HYLS1: variants seen among roughly 807,000 people sequenced by gnomAD.
HYLS1 encodes HYLS1 centriolar and ciliogenesis associated.
Under a neutral mutation model 29.4 loss-of-function variants are expected in HYLS1, and 25 were observed. The ratio of observed to expected loss-of-function variants is 0.85; its 90% confidence interval spans 0.62 to 1.19. The LOEUF (loss-of-function observed/expected upper bound fraction) is 1.19. Ranked by LOEUF, HYLS1 falls within the 50% of genes most tolerant of loss-of-function variation. The probability of loss-of-function intolerance (pLI) is 0.00; values close to 1 mark genes in which losing one functional copy is unlikely to be tolerated. For missense variants in HYLS1, 352 were observed against 365.1 expected, an observed-to-expected ratio of 0.96 and a Z score of 0.29; for synonymous variants, 128 against 126.7, an observed-to-expected ratio of 1.01 and a Z score of -0.07.
At chr11:125,885,425 T>C (rs1944288935), upstream of HYLS1, among the ~76,000 whole-genome samples, 1 of 151,814 alleles carries the variant, frequency 6.6e-6, no homozygotes, top group African/African-American at 2.4e-5. Flanking sequence ...CACCCCAGCC[T>C]GGGCTACAGA....
In HYLS1 at chr11:125,899,586, T is replaced by G. The variant is rs1197555489; in HGVS notation, c.218T>G (p.Val73Gly). The G allele has an allele frequency of 1.2e-6, 2 of 1,614,058 alleles. No individual in the cohort carries two copies. The highest frequency in any genetic ancestry group is 1.1e-5 in the South Asian group (1 of 91,074). ...CCTGTGCAACTACAGTACCCACATG[T>G]AGAAAGTAATGTCCCTTCAGAAACA... The part of the protein sequence containing the change: ...ALPVQLQYPH[V>G]ESNVPSETVS... The change falls in exon 3 of 3, where the codon GTA (valine) becomes GGA (glycine). Residue 73 changes from valine to glycine, a missense_variant. By Grantham distance (109) the Val-to-Gly change is moderately radical. Transcript: ENST00000425380.
chr11:125,891,753 G>C (rs1944413703), intron 2 of HYLS1, among the ~76,000 whole-genome samples: 2 of 152,018 alleles, frequency 1.3e-5, no homozygotes, highest in African/African-American at 4.8e-5. Context: ...CTCTAAAATG[G>C]GGTATTTTCT....
Position 125,899,654 on chromosome 11 carries a change from A to G in HYLS1, c.286A>G (p.Arg96Gly). ...AAGACTCCGAAAGCCAGTGATGAAG[A>G]GAAAGGTGCTGCGCAGAAAGCCAGA... Reference protein sequence around the residue: ...SQRLRKPVMKRKVLRRKPDGE... With the variant: ...SQRLRKPVMKGKVLRRKPDGE... Residue 96 changes from arginine (R) to glycine (G), a missense_variant, in exon 3 of 3, where the codon AGA (arginine) becomes GGA (glycine). By Grantham distance (125) the Arg-to-Gly change is moderately radical. Coordinates refer to ENST00000425380, the MANE Select transcript of HYLS1 (RefSeq NM_001134793.2). 6.2e-7 allele frequency: 1 copy of G among 1,614,220 alleles called. No homozygotes were observed. The highest frequency in any genetic ancestry group is 8.5e-7 in the Non-Finnish European group (1 of 1,180,030).
At chr11:125,895,729 C>T in intron 2 of HYLS1, 1 of 1,612,662 alleles carries the variant, frequency 6.2e-7, no homozygotes, top group Non-Finnish European at 8.5e-7. Flanking sequence ...TCCTCTTTTA[C>T]ATTAAAGTCC....
intron 2 of HYLS1, chr11:125,893,652 G>A: frequency 1.4e-6 from 1 of 719,662 alleles, no homozygotes; most frequent in Non-Finnish European, 2.1e-6. Flanking sequence ...TAGGGCTTTA[G>A]TCTTTTTGCT....
chr11:125,892,638 A>G (rs932362959), intron 2 of HYLS1, among the ~76,000 whole-genome samples: 1 of 152,148 alleles, frequency 6.6e-6, no homozygotes, highest in African/African-American at 2.4e-5. Context: ...TTAATCTTAA[A>G]TTCATCTACT....
At chr11:125,890,997 GTTAT>G (rs1201055798) in intron 1 of HYLS1, among the ~76,000 whole-genome samples, 1 of 150,804 alleles carries the variant, frequency 6.6e-6, no homozygotes, top group African/African-American at 2.4e-5. Context: ...CTCACAAATC[GTTAT>G]TTATGTATAA....
At chr11:125,889,897 C>T (rs1328825523) in intron 1 of HYLS1, among the ~76,000 whole-genome samples, 2 of 151,122 alleles carry the variant, frequency 1.3e-5, no homozygotes, top group Non-Finnish European at 2.9e-5. Flanking sequence ...TGTCTTAATG[C>T]TTTTATACAC....
At chr11:125,886,678 T>C (rs1257160323), upstream of HYLS1, among the ~76,000 whole-genome samples, 2 of 148,972 alleles carry the variant, frequency 1.3e-5, no homozygotes, top group Non-Finnish European at 3.0e-5. Flanking sequence ...GGCTCACAAC[T>C]GTAATCCCAG....
At chr11:125,889,009 G>A (rs998176073) in intron 1 of HYLS1, among the ~76,000 whole-genome samples, 11 of 151,942 alleles carry the variant, frequency 7.2e-5, no homozygotes, top group African/African-American at 2.7e-4. Context: ...TCACATTTAG[G>A]TTTACTTCAG....
intron 2 of HYLS1, among the ~76,000 whole-genome samples, chr11:125,895,009 C>T (rs570363096): frequency 2.2e-4 from 33 of 151,500 alleles, no homozygotes; most frequent in Non-Finnish European, 3.2e-4. Flanking sequence ...TCAGTGACTT[C>T]GTTATTTAGA....
At chr11:125,897,767 A>C (rs1254209493) in intron 2 of HYLS1, among the ~76,000 whole-genome samples, 1 of 152,248 alleles carries the variant, frequency 6.6e-6, no homozygotes, top group Non-Finnish European at 1.5e-5. Context: ...TGGTCAGTAC[A>C]GCTTCTTTGG....
intron 2 of HYLS1, chr11:125,894,337 A>G (rs1944510048): frequency 6.8e-7 from 1 of 1,466,066 alleles, no homozygotes; most frequent in East Asian, 2.3e-5. Context: ...TCCATCTAAC[A>G]GTTCTTTAAA....
chr11:125,895,655 G>A (rs1327627752), intron 2 of HYLS1: 2 of 1,614,234 alleles, frequency 1.2e-6, no homozygotes, highest in Non-Finnish European at 8.5e-7. Flanking sequence ...ATATACGGAT[G>A]TCTGGAGGGA....
Position 125,899,982 on chromosome 11 carries a change from G to A in HYLS1, c.614G>A (p.Arg205Gln), listed in dbSNP as rs755629238. ...FILPKLDQLS[R>Q]NRGKTDRVAR... ...CTCCCAAAGCTGGACCAGTTAAGCC[G>A]AAACCGGGGCAAGACAGACCGGGTA... Residue 205 changes from arginine to glutamine, a missense_variant, in exon 3 of 3, where the codon CGA (arginine) becomes CAA (glutamine). By Grantham distance (43) the Arg-to-Gln change is conservative. Transcript: ENST00000425380. 27 of 1,614,096 alleles carry A rather than the reference G, an allele frequency of 1.7e-5. No homozygotes were observed. The highest frequency in any genetic ancestry group is 4.4e-5 in the South Asian group (4 of 91,082).
At chr11:125,893,794 G>A (rs2134239127) in intron 2 of HYLS1, 1 of 1,606,592 alleles carries the variant, frequency 6.2e-7, no homozygotes, top group East Asian at 2.2e-5. Flanking sequence ...GTTAAATGAT[G>A]CTTTTAATTT....
chr11:125,893,697 C>A, intron 2 of HYLS1: 1 of 1,042,186 alleles, frequency 9.6e-7, no homozygotes, highest in Non-Finnish European at 1.3e-6. Flanking sequence ...CATCTGAATT[C>A]CTAGTACTTG....
intron 2 of HYLS1, among the ~76,000 whole-genome samples, chr11:125,897,982 C>T (rs1421251933): frequency 1.3e-5 from 2 of 152,106 alleles, no homozygotes; most frequent in Non-Finnish European, 2.9e-5. Flanking sequence ...TACATTCATA[C>T]ATTGGAATTC....
upstream of HYLS1, chr11:125,884,099 C>G (rs928118907): frequency 2.0e-5 from 3 of 152,066 alleles, no homozygotes; most frequent in Non-Finnish European, 4.4e-5. Context: ...GGCCAATAAC[C>G]TGGTTCCTTC....
Sources: allele counts gnomAD v4.1 joint callset (sites outside exome capture counted in the v4.1 genomes callset), GRCh38; gene constraint gnomAD v4.1.1; transcripts MANE v1.5; gene names NCBI Gene and HGNC (gene_info 2026-07-23, HGNC 2026-07-21).